Variants in FBXW10 observed in about 807,000 individuals in gnomAD.
The protein encoded by FBXW10 is F-box/WD repeat-containing protein 10.
FBXW10 carries 68 observed loss-of-function variants against 113.1 expected under a neutral mutation model. The observed-to-expected ratio is 0.60, with a 90% CI of 0.49 to 0.74. FBXW10 has a LOEUF of 0.74. Ranked by LOEUF, FBXW10 falls within the 30% of genes least tolerant of loss-of-function variation. FBXW10 has a pLI of 0.00. For synonymous variants in FBXW10, 289 were observed against 481.6 expected (o/e 0.60, Z 5.24); for missense variants, 753 against 1,284.5 (o/e 0.59, Z 6.32).
intron 5 of FBXW10, among the ~76,000 whole-genome samples, chr17:18,753,990 C>T (rs947316987): frequency 2.0e-5 from 3 of 152,098 alleles, no homozygotes; most frequent in Non-Finnish European, 2.9e-5. Context: ...CTAGGAAAAG[C>T]GGAGGTGAGT....
At chr17:18,760,111 T>A (rs970751209) in intron 7 of FBXW10, among the ~76,000 whole-genome samples, 1 of 152,232 alleles carries the variant, frequency 6.6e-6, no homozygotes, top group Non-Finnish European at 1.5e-5. Context: ...ATATCTCTTC[T>A]TATATATTCT....
intron 11 of FBXW10, among the ~76,000 whole-genome samples, chr17:18,771,444 A>G (rs2035611889): frequency 6.6e-6 from 1 of 152,154 alleles, no homozygotes; most frequent in African/African-American, 2.4e-5. Context: ...GGGGCACAGG[A>G]AGGGGACAGG....
chr17:18,771,479 T>G (rs1476664516), intron 11 of FBXW10, among the ~76,000 whole-genome samples: 2 of 152,122 alleles, frequency 1.3e-5, no homozygotes, highest in Non-Finnish European at 2.9e-5. Context: ...GAGCTCTTTG[T>G]CTATGGAGCA....
chr17:18,748,537 C>A (rs1171057583), intron 2 of FBXW10, among the ~76,000 whole-genome samples: 6 of 151,620 alleles, frequency 4.0e-5, no homozygotes, highest in African/African-American at 1.4e-4. Flanking sequence ...AACTCACATT[C>A]ATTTAGCATC....
rs371316490 is a variant in FBXW10, at chr17:18,764,728, C to T, written c.1434-14C>T. On this transcript the variant is annotated splice_polypyrimidine_tract_variant and intron_variant, in intron 7 of 13. Transcript: ENST00000395665. Reference sequence around the variant, plus strand: ...CTCAGGAACTCTCACATTCTTTTGGCCTGATTCCTGCAGATACTGGGATCT... The same window carrying T: ...CTCAGGAACTCTCACATTCTTTTGGTCTGATTCCTGCAGATACTGGGATCT... 1.2e-6 allele frequency: 2 copies of T among 1,613,584 alleles called. No homozygotes were observed. The highest frequency in any genetic ancestry group is 2.7e-5 in the African/African-American group (2 of 74,854).
chr17:18,752,998 A>G (rs1445871534), intron 5 of FBXW10, among the ~76,000 whole-genome samples: 1 of 152,236 alleles, frequency 6.6e-6, no homozygotes. Flanking sequence ...TTGACATTCT[A>G]GGAATGTTTT....
At chr17:18,766,156 A>G in intron 8 of FBXW10, among the ~76,000 whole-genome samples, 1 of 152,120 alleles carries the variant, frequency 6.6e-6, no homozygotes, top group Admixed American at 6.6e-5. Flanking sequence ...CCTAGCTGTG[A>G]CCATTTCTCC....
At position 18,775,159 on chromosome 17, in the gene FBXW10, A is replaced by ATTTG. The variant is rs773718297; in HGVS notation, c.2302_2303insTTTG (p.Ser768IlefsTer15). ...AGCAGTGTTAATAGAGGAACTTCAA[A>ATTTG]GTCAAGGAAAGTCAAAATCACCCCG... On this transcript the variant is annotated frameshift_variant, in exon 13 of 14. Transcript: ENST00000395665. LOFTEE classifies it high-confidence loss of function. The ATTTG allele has an allele frequency of 6.2e-7, 1 of 1,610,786 alleles. No homozygotes were observed. The highest frequency in any genetic ancestry group is 1.3e-5 in the African/African-American group (1 of 74,840).
chr17:18,744,871 C>T (rs758874897), intron 1 of FBXW10, 122 bp downstream of exon 1: 109 of 1,514,186 alleles, frequency 7.2e-5, no homozygotes, highest in Non-Finnish European at 9.1e-5. Flanking sequence ...CAGAACTCAG[C>T]ATAGGTTTTT....
At chr17:18,775,328 CTCTT>C (rs2035681398) in intron 13 of FBXW10, 136 bp downstream of exon 13, 1 of 634,122 alleles carries the variant, frequency 1.6e-6, no homozygotes, top group African/African-American at 1.8e-5. Context: ...AAGATCCAAA[CTCTT>C]TCTCTCACTC....
chr17:18,748,408 C>CAAAAA (rs57336039), intron 2 of FBXW10, among the ~76,000 whole-genome samples: 851 of 51,260 alleles, frequency 0.017, no homozygotes, highest in East Asian at 0.035. Context: ...GAGACTGTCT[C>CAAAAA]AAAAAAAAAA....
intron 7 of FBXW10, among the ~76,000 whole-genome samples, chr17:18,761,359 G>A (rs892502689): frequency 2.1e-4 from 32 of 151,344 alleles, no homozygotes; most frequent in African/African-American, 7.3e-4. Flanking sequence ...TCCGCCTTCC[G>A]TGATCATGCC....
chr17:18,769,943 T>C lies in FBXW10; in HGVS notation c.1864T>C (p.Ser622Pro). ...CCCTTCCAGGGAGGTGCTCGACGTG[T>C]CCCTTCTCTTCCTCCGGGTCATCAG... is the stretch of plus-strand genomic sequence containing the variant. ...FKHPKEVLDV[S>P]LLFLRVISAC... The change falls in exon 11 of 14, where the codon TCC (serine) becomes CCC (proline). Residue 622 changes from serine to proline, a missense_variant. Physicochemically the swap from Ser to Pro is moderately conservative, Grantham distance 74 (BLOSUM62 -1). Coordinates refer to ENST00000395665, the MANE Select transcript of FBXW10 (RefSeq NM_001267585.2). The C allele has an allele frequency of 6.2e-7, 1 of 1,614,170 alleles. No homozygotes were observed. Among genetic ancestry groups the C allele is most frequent in the South Asian group, 1.1e-5 (1 of 91,090 alleles).
intron 11 of FBXW10, among the ~76,000 whole-genome samples, chr17:18,770,879 T>C (rs1327079923): frequency 6.6e-6 from 1 of 152,176 alleles, no homozygotes; most frequent in Non-Finnish European, 1.5e-5. Context: ...CTGCATTGTA[T>C]ACAGTACTGT....
chr17:18,757,577 T>A (rs1405489580), intron 6 of FBXW10, among the ~76,000 whole-genome samples: 1 of 152,060 alleles, frequency 6.6e-6, no homozygotes. Flanking sequence ...AGGCCAAGAG[T>A]TGGAGGTTAC....
chr17:18,745,286 C>T (rs2035019546), intron 1 of FBXW10: 1 of 865,112 alleles, frequency 1.2e-6, no homozygotes, highest in Non-Finnish European at 1.4e-6. Context: ...AGCTTAAGGG[C>T]CAAATAAGTC....
At chr17:18,746,970 G>A (rs2035050571) in intron 1 of FBXW10, among the ~76,000 whole-genome samples, 1 of 146,788 alleles carries the variant, frequency 6.8e-6, no homozygotes, top group South Asian at 2.1e-4. Flanking sequence ...TGCCCAGGCT[G>A]GAGTGCAGTG....
rs951799572 is a variant in FBXW10 at position 18,764,624 on chromosome 17, A to G, written c.1434-118A>G. ...GATTCAAATCCAGGCCCCTGACTCT[A>G]AGCTGAACCATGAGAATCTGCTGCC... On this transcript the variant is annotated intron_variant, in intron 7 of 13. Coordinates refer to ENST00000395665, the MANE Select transcript of FBXW10 (RefSeq NM_001267585.2). The G allele has an allele frequency of 4.1e-5, 62 of 1,520,822 alleles. No homozygotes were observed. In the African/African-American group the frequency reaches 7.6e-4, roughly 19 times the overall value. The allele number at this position is 1,520,822 out of a possible 1,614,324, so 94.2% of individuals were successfully genotyped here. A position where few individuals can be genotyped will look rare whatever the true frequency, so the allele number is the denominator to read the frequency against.
intron 5 of FBXW10, among the ~76,000 whole-genome samples, chr17:18,752,594 T>C (rs535486719): frequency 1.3e-5 from 2 of 151,504 alleles, no homozygotes; most frequent in East Asian, 3.9e-4. Context: ...GTGCCTCTAG[T>C]CCCATCTACT....
Sources: gnomAD v4.1 joint callset for allele counts (sites outside exome capture counted in the v4.1 genomes callset) on GRCh38, gnomAD v4.1.1 for gene constraint, MANE v1.5 for transcripts, NCBI Gene and HGNC (gene_info 2026-07-23, HGNC 2026-07-21) for gene names.